The following PLA2G4A variants were observed in gnomAD, a reference collection of about 807,000 sequenced individuals.
PLA2G4A encodes the protein cytosolic phospholipase A2.
PLA2G4A carries 40 observed loss-of-function variants against 81.9 expected under a neutral mutation model. The observed-to-expected ratio is 0.49, with a 90% CI of 0.38 to 0.64. The LOEUF is 0.64. PLA2G4A is among the 30% of genes least tolerant of loss of function. The pLI is 0.00. For synonymous variants in PLA2G4A, 302 were observed against 296.9 expected (o/e 1.02, Z -0.18); for missense variants, 715 against 905.1 (o/e 0.79, Z 2.69).
At chr1:186,837,080 T>C (rs1272803128) in intron 1 of PLA2G4A, among the ~76,000 whole-genome samples, 1 of 152,048 alleles carries the variant, frequency 6.6e-6, no homozygotes, top group East Asian at 1.9e-4. Context: ...AACCAGGTAT[T>C]AGGGTGATGT....
At chr1:186,981,084 A>G (rs1657704691) in intron 17 of PLA2G4A, among the ~76,000 whole-genome samples, 1 of 152,174 alleles carries the variant, frequency 6.6e-6, no homozygotes, top group Non-Finnish European at 1.5e-5. Context: ...AGTTAGTTGC[A>G]TTTTATAAAA....
chr1:186,891,927 G>T (rs1350808655), intron 3 of PLA2G4A, among the ~76,000 whole-genome samples: 1 of 152,090 alleles, frequency 6.6e-6, no homozygotes, highest in Non-Finnish European at 1.5e-5. Flanking sequence ...CATTATACAA[G>T]AGATCCCTTT....
At chr1:186,877,583 G>A (rs954890268) in intron 3 of PLA2G4A, among the ~76,000 whole-genome samples, 2 of 151,144 alleles carry the variant, frequency 1.3e-5, no homozygotes, top group African/African-American at 2.4e-5. Flanking sequence ...ACACTTTTCC[G>A]AAAACACTTG....
chr1:186,971,425 G>A (rs368737839), intron 15 of PLA2G4A, among the ~76,000 whole-genome samples: 13 of 151,600 alleles, frequency 8.6e-5, no homozygotes, highest in East Asian at 5.8e-4. Flanking sequence ...TTTTCTTCCC[G>A]TGCCTTTCTC....
intron 15 of PLA2G4A, among the ~76,000 whole-genome samples, chr1:186,977,138 T>A (rs916702573): frequency 6.6e-6 from 1 of 152,200 alleles, no homozygotes; most frequent in Non-Finnish European, 1.5e-5. Context: ...TTTGTATACA[T>A]AAAATGAATG....
intron 2 of PLA2G4A, among the ~76,000 whole-genome samples, chr1:186,860,218 T>C (rs1156581354): frequency 6.6e-6 from 1 of 152,162 alleles, no homozygotes; most frequent in Non-Finnish European, 1.5e-5. Context: ...ATTTATTAAT[T>C]TATTATGAGA....
intron 17 of PLA2G4A, among the ~76,000 whole-genome samples, chr1:186,985,921 G>A (rs1657877506): frequency 6.6e-6 from 1 of 152,110 alleles, no homozygotes; most frequent in Non-Finnish European, 1.5e-5. Flanking sequence ...ATGCCTTTTT[G>A]AATATATGTA....
intron 2 of PLA2G4A, among the ~76,000 whole-genome samples, chr1:186,869,080 T>C (rs1270334509): frequency 6.6e-6 from 1 of 152,214 alleles, no homozygotes; most frequent in East Asian, 1.9e-4. Context: ...TTGGATTTAA[T>C]TTGCTCTTTT....
At chr1:186,918,149 G>A (rs1655214933) in intron 7 of PLA2G4A, among the ~76,000 whole-genome samples, 1 of 152,130 alleles carries the variant, frequency 6.6e-6, no homozygotes, top group African/African-American at 2.4e-5. Context: ...GGTGTTTGAG[G>A]GAGTAAGGGG....
intron 15 of PLA2G4A, among the ~76,000 whole-genome samples, chr1:186,976,818 C>G (rs1274488897): frequency 1.3e-5 from 2 of 152,184 alleles, no homozygotes; most frequent in African/African-American, 4.8e-5. Flanking sequence ...ACAAACCAAC[C>G]TCGAATCTCC....
intron 5 of PLA2G4A, among the ~76,000 whole-genome samples, chr1:186,899,198 T>C (rs555352215): frequency 1.3e-5 from 2 of 152,226 alleles, no homozygotes; most frequent in East Asian, 3.9e-4. Context: ...AAGAAAGGTA[T>C]CTTTGAGGAT....
chr1:186,962,614 C>T (rs12032535), intron 14 of PLA2G4A, among the ~76,000 whole-genome samples: 55,372 of 151,816 alleles, frequency 0.36, 12,147 homozygotes, highest in Non-Finnish European at 0.49. Context: ...CTCCGTCTCC[C>T]GAGTTCACGC....
intron 15 of PLA2G4A, among the ~76,000 whole-genome samples, chr1:186,973,341 T>C (rs1293780068): frequency 6.6e-6 from 1 of 152,176 alleles, no homozygotes; most frequent in African/African-American, 2.4e-5. Flanking sequence ...CCTTTTCTTT[T>C]GTGTGCATGT....
intron 10 of PLA2G4A, among the ~76,000 whole-genome samples, chr1:186,946,114 A>T (rs12720616): frequency 9.2e-5 from 14 of 152,134 alleles, no homozygotes; most frequent in Admixed American, 7.9e-4. Flanking sequence ...CACTATTACC[A>T]TGTTTTTCTA....
intron 3 of PLA2G4A, among the ~76,000 whole-genome samples, chr1:186,890,084 G>T (rs1654081326): frequency 6.6e-6 from 1 of 152,186 alleles, no homozygotes. Context: ...AGACTAATGT[G>T]TGTAAAGTAC....
intron 5 of PLA2G4A, among the ~76,000 whole-genome samples, chr1:186,901,659 G>A (rs1439413980): frequency 6.6e-6 from 1 of 152,166 alleles, no homozygotes. Context: ...GAAAGCTAAT[G>A]GTTACCCAGA....
chr1:186,920,809 C>T (rs563591851), intron 7 of PLA2G4A, among the ~76,000 whole-genome samples: 3 of 152,318 alleles, frequency 2.0e-5, no homozygotes, highest in South Asian at 4.1e-4. Flanking sequence ...TTCTTTATGG[C>T]TTTCTCTGCG....
chr1:186,980,110 G>A (rs1657672126), intron 17 of PLA2G4A, among the ~76,000 whole-genome samples: 1 of 151,920 alleles, frequency 6.6e-6, no homozygotes, highest in South Asian at 2.1e-4. Context: ...ACCACGCCCG[G>A]CTAATTTTTT....
chr1:186,943,436 A>G (rs536425476), intron 10 of PLA2G4A, among the ~76,000 whole-genome samples: 3 of 152,364 alleles, frequency 2.0e-5, no homozygotes, highest in South Asian at 4.1e-4. Flanking sequence ...CTTTAGAAGT[A>G]CAAATATAGT....
Sources: allele counts gnomAD v4.1 joint callset (sites outside exome capture counted in the v4.1 genomes callset), GRCh38; gene constraint gnomAD v4.1.1; transcripts MANE v1.5; gene names NCBI Gene and HGNC (gene_info 2026-07-23, HGNC 2026-07-21).